PLEKHA5: variants seen among roughly 807,000 people sequenced by gnomAD.
PLEKHA5 encodes the protein pleckstrin homology domain-containing family A member 5.
PLEKHA5 carries 55 observed loss-of-function variants against 181.9 expected under a neutral mutation model. That is an observed-to-expected ratio of 0.30 (90% CI 0.24 to 0.38). The LOEUF is 0.38. Ranked by LOEUF, PLEKHA5 falls within the 10% of genes least tolerant of loss-of-function variation. The probability of loss-of-function intolerance (pLI) is 1.00; values close to 1 mark genes in which losing one functional copy is unlikely to be tolerated. For missense variants in PLEKHA5, 1,432 were observed against 1,549.5 expected (o/e 0.92, Z 1.27); for synonymous variants, 535 against 529.4 (o/e 1.01, Z -0.15).
intron 3 of PLEKHA5, among the ~76,000 whole-genome samples, chr12:19,203,663 C>T (rs374242267): frequency 6.6e-6 from 1 of 152,106 alleles, no homozygotes; most frequent in East Asian, 1.9e-4. Flanking sequence ...CACTAAAGCA[C>T]CTGTCTTTTG....
intron 11 of PLEKHA5, among the ~76,000 whole-genome samples, chr12:19,280,564 AGTT>A (rs2075850599): frequency 6.6e-6 from 1 of 152,110 alleles, no homozygotes; most frequent in South Asian, 2.1e-4. Context: ...ATTAGGAAAA[AGTT>A]GTTAACTAAA....
intron 15 of PLEKHA5, among the ~76,000 whole-genome samples, chr12:19,296,546 CAAAA>C (rs34063103): frequency 7.1e-6 from 1 of 139,870 alleles, no homozygotes; most frequent in Non-Finnish European, 1.6e-5. Flanking sequence ...GACTCTATCT[CAAAA>C]AAAAAAAAAA....
At position 19,361,583 on chromosome 12, in the gene PLEKHA5, TAAAA is replaced by T; in HGVS notation, c.3490_3493del (p.Lys1164LeufsTer17). 6.9e-7 allele frequency: 1 copy of T among 1,449,690 alleles called. No individual in the cohort carries two copies. 89.8% of individuals were successfully genotyped at this position (1,449,690 alleles called of 1,614,324 possible). On this transcript the variant is annotated frameshift_variant and splice_region_variant, in exon 29 of 32. Coordinates refer to ENST00000429027, the MANE Select transcript of PLEKHA5 (RefSeq NM_001256470.2). LOFTEE classifies it high-confidence loss of function. The stretch of plus-strand genomic sequence containing the variant: ...AAAATTTTTCTTTTTATTCTACAGT[TAAAA>T]AAAACTGAAAACATTTCATATGAAA...
chr12:19,257,541 T>TA lies in PLEKHA5; in HGVS notation c.537+4_537+5insA. Reference sequence around the variant, plus strand: ...ACGAGGTTGGCTTTATAAACAGGTATTTTTTTTTTTTTGATATGAAACAAA... The same window carrying TA: ...ACGAGGTTGGCTTTATAAACAGGTATATTTTTTTTTTTTGATATGAAACAAA... On this transcript the variant is annotated splice_donor_region_variant and intron_variant, in intron 6 of 31. Transcript: ENST00000429027. The TA allele has an allele frequency of 3.5e-6, 1 of 283,336 alleles. No individual in the cohort carries two copies. The highest frequency in any genetic ancestry group is 4.9e-6 in the Non-Finnish European group (1 of 206,090). The allele number at this position is 283,336 out of a possible 1,614,324, so 17.6% of individuals were successfully genotyped here. A position where few individuals can be genotyped will look rare whatever the true frequency, so the allele number is the denominator to read the frequency against.
At chr12:19,271,848 C>G (rs1422436374) in intron 10 of PLEKHA5, among the ~76,000 whole-genome samples, 1 of 152,146 alleles carries the variant, frequency 6.6e-6, no homozygotes, top group Non-Finnish European at 1.5e-5. Context: ...CACCTGCGTG[C>G]CCAGCTTAGA....
At chr12:19,174,298 A>G (rs2046671492) in intron 3 of PLEKHA5, among the ~76,000 whole-genome samples, 1 of 152,180 alleles carries the variant, frequency 6.6e-6, no homozygotes, top group South Asian at 2.1e-4. Context: ...TCTTAAAATG[A>G]TTATCAGAAA....
rs562792091 is a variant in PLEKHA5, at chr12:19,326,083, C to G, written c.2448+3416C>G. Among the ~76,000 whole-genome samples the G allele has an allele frequency of 2.0e-5, 3 of 151,882 alleles. No individual in the cohort carries two copies. The South Asian group carries it at 6.2e-4, about 32-fold the overall frequency. On this transcript the variant is annotated intron_variant, in intron 20 of 31. Transcript: ENST00000429027. The stretch of plus-strand genomic sequence containing the variant: ...TAAAATTTGATCTTGTTTGAGTATC[C>G]CTTTTTCTGGTTTTTGTCTTATGTA...
chr12:19,327,108 C>G (rs1417409911), intron 20 of PLEKHA5, among the ~76,000 whole-genome samples: 1 of 152,146 alleles, frequency 6.6e-6, no homozygotes, highest in Non-Finnish European at 1.5e-5. Flanking sequence ...AATGCAATTG[C>G]TTGGTCAAAT....
chr12:19,299,325 C>T (rs191411091), intron 15 of PLEKHA5, among the ~76,000 whole-genome samples: 17 of 152,288 alleles, frequency 1.1e-4, no homozygotes, highest in African/African-American at 4.1e-4. Context: ...TAGCTGATTA[C>T]ATGTTGGCAT....
intron 15 of PLEKHA5, among the ~76,000 whole-genome samples, chr12:19,301,732 AC>A (rs1383909718): frequency 1.3e-5 from 2 of 152,224 alleles, no homozygotes; most frequent in African/African-American, 2.4e-5. Flanking sequence ...ACAGGAAAAA[AC>A]GTATGATAAT....
intron 29 of PLEKHA5, among the ~76,000 whole-genome samples, chr12:19,362,544 GA>G (rs543128735): frequency 6.7e-6 from 1 of 149,150 alleles, no homozygotes; most frequent in Admixed American, 6.7e-5. Flanking sequence ...AAAAGAAAAG[GA>G]AAAAAAAAGA....
chr12:19,354,214 C>G (rs1306967759), intron 26 of PLEKHA5, among the ~76,000 whole-genome samples: 2 of 113,210 alleles, frequency 1.8e-5, no homozygotes, highest in South Asian at 6.2e-4. Flanking sequence ...TGCTGTGGCG[C>G]GATCTCGGCT....
intron 17 of PLEKHA5, 157 bp from the exon 18 acceptor site, chr12:19,320,405 A>G (rs1008307720): frequency 2.7e-5 from 13 of 475,346 alleles, no homozygotes; most frequent in African/African-American, 2.4e-4. Flanking sequence ...TACTTTGTTG[A>G]TCAGTGTTTG....
chr12:19,131,399 C>T (rs954128939), intron 2 of PLEKHA5, among the ~76,000 whole-genome samples: 2 of 152,214 alleles, frequency 1.3e-5, no homozygotes, highest in African/African-American at 4.8e-5. Context: ...TAAGGCATTT[C>T]TGACTAATAC....
chr12:19,227,041 T>A (rs928089090), intron 3 of PLEKHA5, among the ~76,000 whole-genome samples: 13 of 152,182 alleles, frequency 8.5e-5, no homozygotes, highest in Non-Finnish European at 8.8e-5. Context: ...TTTTGTGATG[T>A]TTTCTATTAT....
chr12:19,231,605 T>G (rs2060597983), intron 3 of PLEKHA5, among the ~76,000 whole-genome samples: 1 of 24 alleles, frequency 0.042, no homozygotes, highest in African/African-American at 0.17. Flanking sequence ...TACACATATA[T>G]ATATATAAAT....
intron 26 of PLEKHA5, among the ~76,000 whole-genome samples, chr12:19,354,482 A>AT (rs2094811462): frequency 8.9e-6 from 1 of 112,894 alleles, no homozygotes; most frequent in Admixed American, 9.6e-5. Flanking sequence ...AAAAAAAAAA[A>AT]TTGTTTTTTT....
chr12:19,214,723 T>C (rs1479308974), intron 3 of PLEKHA5, among the ~76,000 whole-genome samples: 1 of 152,004 alleles, frequency 6.6e-6, no homozygotes, highest in South Asian at 2.1e-4. Flanking sequence ...AATTTTAGAA[T>C]AGCTGCTAAA....
intron 3 of PLEKHA5, among the ~76,000 whole-genome samples, chr12:19,246,636 T>C (rs2063825616): frequency 6.6e-6 from 1 of 150,654 alleles, no homozygotes; most frequent in Non-Finnish European, 1.5e-5. Context: ...AAAAACAATC[T>C]AGTACATTTA....
Sources: gnomAD v4.1 joint callset for allele counts (sites outside exome capture counted in the v4.1 genomes callset) on GRCh38, gnomAD v4.1.1 for gene constraint, MANE v1.5 for transcripts, NCBI Gene and HGNC (gene_info 2026-07-23, HGNC 2026-07-21) for gene names.